The following HIVEP1 variants were observed in gnomAD, a reference collection of about 807,000 sequenced individuals.
The protein encoded by HIVEP1 is zinc finger protein 40.
HIVEP1 carries 36 observed loss-of-function variants against 180.0 expected under a neutral mutation model. The observed-to-expected ratio is 0.20, with a 90% CI of 0.15 to 0.26. HIVEP1 has a LOEUF of 0.26. Ranked by LOEUF, HIVEP1 falls within the 10% of genes least tolerant of loss-of-function variation. HIVEP1 has a pLI of 1.00. For missense variants in HIVEP1, 3,143 were observed against 3,268.7 expected, an observed-to-expected ratio of 0.96 and a Z score of 0.94; for synonymous variants, 1,239 against 1,239.0, an observed-to-expected ratio of 1.00 and a Z score of 0.00.
chr6:12,099,695 A>G (rs1031241615), intron 3 of HIVEP1, among the ~76,000 whole-genome samples: 1 of 152,064 alleles, frequency 6.6e-6, no homozygotes, highest in Non-Finnish European at 1.5e-5. Context: ...CACTTACTAC[A>G]GTTCTTAGTG....
At chr6:12,137,424 G>A (rs1188556209) in intron 7 of HIVEP1, among the ~76,000 whole-genome samples, 1 of 152,126 alleles carries the variant, frequency 6.6e-6, no homozygotes, top group Non-Finnish European at 1.5e-5. Flanking sequence ...ACCTACCTAT[G>A]TATTTATTCA....
intron 2 of HIVEP1, among the ~76,000 whole-genome samples, chr6:12,018,011 C>T (rs1767936652): frequency 6.6e-6 from 1 of 152,226 alleles, no homozygotes; most frequent in Non-Finnish European, 1.5e-5. Context: ...TGCAGGAGCC[C>T]ATGGCGTGGG....
intron 3 of HIVEP1, among the ~76,000 whole-genome samples, chr6:12,113,453 G>C (rs770077881): frequency 6.6e-6 from 1 of 152,042 alleles, no homozygotes; most frequent in Non-Finnish European, 1.5e-5. Context: ...GAAGCGGAGT[G>C]AGTCAGGGGA....
upstream of HIVEP1, among the ~76,000 whole-genome samples, chr6:12,009,120 T>TGGCGGCGGCGGCGGCGGCGGC (rs950139776): frequency 8.0e-4 from 117 of 146,058 alleles, no homozygotes; most frequent in East Asian, 0.015. Context: ...CGCGTGGCGG[T>TGGCGGCGGCGGCGGCGGCGGC]GGCGGCGGCG....
intron 5 of HIVEP1, among the ~76,000 whole-genome samples, chr6:12,130,459 G>C (rs1180695232): frequency 6.6e-6 from 1 of 152,104 alleles, no homozygotes; most frequent in Non-Finnish European, 1.5e-5. Flanking sequence ...GATCATGTGA[G>C]CCCGGGAGGT....
chr6:12,177,814 C>T, the HIVEP1 span, among the ~76,000 whole-genome samples: 9 of 151,946 alleles, frequency 5.9e-5, no homozygotes, highest in African/African-American at 1.5e-4. Flanking sequence ...GTATGTCTCC[C>T]GTGTCAGTAT....
chr6:12,038,599 G>T (rs538746028), intron 2 of HIVEP1: 1 of 152,550 alleles, frequency 6.6e-6, no homozygotes, highest in South Asian at 2.1e-4. Flanking sequence ...TTGAAGCCAG[G>T]AGGCGGAGGT....
chr6:12,050,642 C>G (rs1281283719), intron 2 of HIVEP1, among the ~76,000 whole-genome samples: 1 of 151,946 alleles, frequency 6.6e-6, no homozygotes, highest in Non-Finnish European at 1.5e-5. Flanking sequence ...GACTCCCATC[C>G]TCTCCTCAAG....
chr6:12,208,042 A>G, the HIVEP1 span, among the ~76,000 whole-genome samples: 1 of 152,192 alleles, frequency 6.6e-6, no homozygotes, highest in Admixed American at 6.5e-5. Context: ...AATAATTTTA[A>G]TAAAGAGTAT....
At chr6:12,033,025 G>A (rs188602468) in intron 2 of HIVEP1, among the ~76,000 whole-genome samples, 16 of 152,198 alleles carry the variant, frequency 1.1e-4, no homozygotes, top group African/African-American at 3.4e-4. Context: ...ATATGTAGAC[G>A]GTCCCTGACT....
Position 12,125,699 on chromosome 6 carries a change from G to T in HIVEP1, c.5904G>T (p.Trp1968Cys). ...KDQKTSAYTD[W>C]TVSASNPNPL... ...AGAAAACTTCAGCCTATACTGATTG[G>T]ACAGTAAGCGCCAGTAATCCAAATC... Residue 1968 changes from tryptophan to cysteine, a missense_variant, in exon 4 of 9, where the codon TGG becomes TGT. Trp to Cys is a radical substitution (Grantham distance 215). Coordinates refer to ENST00000379388, the MANE Select transcript of HIVEP1 (RefSeq NM_002114.4). 6.2e-7 allele frequency: 1 copy of T among 1,614,150 alleles called. No individual in the cohort carries two copies. Among genetic ancestry groups the T allele is most frequent in the Non-Finnish European group, 8.5e-7 (1 of 1,180,032 alleles).
upstream of HIVEP1, among the ~76,000 whole-genome samples, chr6:12,011,788 G>T (rs1767329623): frequency 1.3e-5 from 2 of 148,232 alleles, no homozygotes; most frequent in South Asian, 4.2e-4. Flanking sequence ...GCTGGCGGCC[G>T]CGCCGGCCCA....
At chr6:12,018,756 T>C (rs957348022) in intron 2 of HIVEP1, among the ~76,000 whole-genome samples, 13 of 152,118 alleles carry the variant, frequency 8.5e-5, no homozygotes, top group African/African-American at 3.1e-4. Context: ...GGGTAGCAGG[T>C]TGTGAAATAA....
chr6:12,088,477 G>A (rs918634887), intron 2 of HIVEP1, among the ~76,000 whole-genome samples: 1 of 152,148 alleles, frequency 6.6e-6, no homozygotes, highest in African/African-American at 2.4e-5. Flanking sequence ...AATAGAGCAT[G>A]CACATATTTA....
chr6:12,124,451 T>C lies in HIVEP1; in HGVS notation c.4656T>C (p.Ser1552=). 6.2e-7 allele frequency: 1 copy of C among 1,614,148 alleles called. No individual in the cohort carries two copies. The highest frequency in any genetic ancestry group is 1.1e-5 in the South Asian group (1 of 91,078). ...CTGTTTTATCTGGGTCTTCTAAAAGTGAGGATTGCTTTGCTCCCAAATACC... is the reference window on the plus strand; with the variant it reads ...CTGTTTTATCTGGGTCTTCTAAAAGCGAGGATTGCTTTGCTCCCAAATACC... ...KNSVLSGSSK[S]EDCFAPKYQL... is the part of the protein sequence containing the mutation. Residue 1552 remains serine, a synonymous_variant, in exon 4 of 9, where the codon AGT becomes AGC. Transcript: ENST00000379388.
At chr6:12,091,717 T>C (rs1421857552) in intron 3 of HIVEP1, among the ~76,000 whole-genome samples, 1 of 152,152 alleles carries the variant, frequency 6.6e-6, no homozygotes, top group Non-Finnish European at 1.5e-5. Flanking sequence ...GAAAATCAGA[T>C]GACTTTAATT....
At position 12,161,627 on chromosome 6, in the gene HIVEP1, G is replaced by T; in HGVS notation, c.6676G>T (p.Val2226Leu). 1 of 1,614,060 alleles carries T rather than the reference G, an allele frequency of 6.2e-7. No homozygotes were observed. Among genetic ancestry groups the T allele is most frequent in the Admixed American group, 1.7e-5 (1 of 60,026 alleles). The part of the protein sequence containing the change: ...LPSRSSLQDP[V>L]STDEDVRITD... Reference sequence around the variant, plus strand: ...ATCTAGAAGTAGCCTTCAGGACCCTGTGAGTACTGACGAGGATGTCAGGAT... The same window carrying T: ...ATCTAGAAGTAGCCTTCAGGACCCTTTGAGTACTGACGAGGATGTCAGGAT... Residue 2226 changes from valine (V) to leucine (L), a missense_variant, in exon 8 of 9, where the codon GTG becomes TTG. By Grantham distance (32) the Val-to-Leu change is conservative. Coordinates refer to ENST00000379388, the MANE Select transcript of HIVEP1 (RefSeq NM_002114.4).
In HIVEP1 at chr6:12,122,347, C is replaced by T; in HGVS notation, c.2552C>T (p.Pro851Leu). 6.2e-7 allele frequency: 1 copy of T among 1,614,190 alleles called. No homozygotes were observed. Residue 851 changes from proline to leucine, a missense_variant, in exon 4 of 9, where the codon CCT becomes CTT. Coordinates refer to ENST00000379388, the MANE Select transcript of HIVEP1 (RefSeq NM_002114.4). ...SMPTTGYSAV[P>L]ANIIPPPHPL... ...CCGACCACAGGTTATTCAGCAGTAC[C>T]TGCAAATATAATACCTCCTCCTCAT...
intron 7 of HIVEP1, among the ~76,000 whole-genome samples, chr6:12,140,218 C>T (rs188822153): frequency 9.8e-4 from 149 of 152,360 alleles, no homozygotes; most frequent in African/African-American, 3.2e-3. Context: ...CCCAGGCATA[C>T]AGGGCCTGGA....
Sources: allele counts gnomAD v4.1 joint callset (sites outside exome capture counted in the v4.1 genomes callset), GRCh38; gene constraint gnomAD v4.1.1; transcripts MANE v1.5; gene names NCBI Gene and HGNC (gene_info 2026-07-23, HGNC 2026-07-21).